The following CCDC74B variants were observed in gnomAD, a reference collection of about 807,000 sequenced individuals.
CCDC74B encodes coiled-coil domain containing 74B.
CCDC74B carries 34 observed loss-of-function variants against 38.0 expected under a neutral mutation model. That is an observed-to-expected ratio of 0.89 (90% confidence interval 0.68 to 1.19). The LOEUF (loss-of-function observed/expected upper bound fraction) is 1.19, where lower values mean the gene tolerates loss of function less well. Ranked by LOEUF, CCDC74B falls within the 50% of genes most tolerant of loss-of-function variation. The probability of loss-of-function intolerance (pLI) is 0.00; values close to 1 mark genes in which losing one functional copy is unlikely to be tolerated. For missense variants in CCDC74B, 358 were observed against 406.0 expected, an observed-to-expected ratio of 0.88 and a Z score of 1.02; for synonymous variants, 132 against 170.4, an observed-to-expected ratio of 0.77 and a Z score of 1.76.
intron 3 of CCDC74B, chr2:130,141,852 C>T (rs536402804): frequency 2.9e-5 from 19 of 661,796 alleles, no homozygotes; most frequent in Admixed American, 1.6e-4. Flanking sequence ...CCTCCCTAGG[C>T]GGCCACCCGG....
In CCDC74B at chr2:130,143,380, G is replaced by T. The variant is rs185832961; in HGVS notation, c.251-67C>A. The T allele has an allele frequency of 2.7e-4, 426 of 1,602,870 alleles. 2 individuals are homozygous for T. The African/African-American group carries it at 4.8e-3, about 18-fold the overall frequency. On this transcript the variant is annotated intron_variant, in intron 1 of 7. Transcript: ENST00000409943. ...CAGCCATTCTGAGAGAAGAAGCCTG[G>T]CCTGTCCTCTCCTGGCTGCTGAGCC...
chr2:130,144,627 G>C, intron 1 of CCDC74B, 120 bp downstream of exon 1: 1 of 1,544,610 alleles, frequency 6.5e-7, no homozygotes, highest in South Asian at 1.2e-5. Flanking sequence ...TTACCGTCCT[G>C]TGTTCCCCCT....
Position 130,143,103 on chromosome 2 carries a change from A to G in CCDC74B, c.295+166T>C, listed in dbSNP as rs542228570. 505 of 1,492,478 alleles carry G rather than the reference A, an allele frequency of 3.4e-4. 2 individuals carry two copies. The highest frequency in any genetic ancestry group is 1.4e-3 in the South Asian group (101 of 73,486). The allele number at this position is 1,492,478 out of a possible 1,614,324, so 92.5% of individuals were successfully genotyped here. A position where few individuals can be genotyped will look rare whatever the true frequency, so the allele number is the denominator to read the frequency against. On this transcript the variant is annotated intron_variant, in intron 2 of 7. Transcript: ENST00000409943. The stretch of plus-strand genomic sequence containing the variant: ...GTGCTGTGCTTGGCTGCGTAACATC[A>G]TCCAGCCACGGCTAGAGGTAGCGGC...
chr2:130,143,108 G>A (rs1259780867), intron 2 of CCDC74B, 161 bp downstream of exon 2: 1 of 1,496,984 alleles, frequency 6.7e-7, no homozygotes, highest in Non-Finnish European at 8.9e-7. Context: ...ACATCATCCA[G>A]CCACGGCTAG....
At chr2:130,141,529 G>A (rs1187150111) in intron 3 of CCDC74B, 15 of 638,658 alleles carry the variant, frequency 2.3e-5, no homozygotes, top group African/African-American at 5.3e-5. Context: ...AATCAACATA[G>A]TGGAAGCTGG....
At position 130,140,006 on chromosome 2, in the gene CCDC74B, G is replaced by T. The variant is rs377326897; in HGVS notation, c.752+17C>A. 1.2e-6 allele frequency: 2 copies of T among 1,602,414 alleles called. No individual in the cohort carries two copies. The highest frequency in any genetic ancestry group is 1.7e-6 in the Non-Finnish European group (2 of 1,174,516). ...ATAGGCCCCCAGGGATGGGGCAGGGGTGCACCAGGCACTCACCTGGGAAAG... is the reference window on the plus strand; with the variant it reads ...ATAGGCCCCCAGGGATGGGGCAGGGTTGCACCAGGCACTCACCTGGGAAAG... On this transcript the variant is annotated intron_variant, in intron 6 of 7. Transcript: ENST00000409943.
At position 130,139,614 on chromosome 2, in the gene CCDC74B, C is replaced by A. The variant is rs781284784; in HGVS notation, c.886G>T (p.Glu296Ter). The change falls in exon 8 of 8, where the codon GAG becomes TAG. Residue 296 changes from glutamate to a stop codon, truncating the protein, a stop_gained. Transcript: ENST00000409943. LOFTEE classifies it high-confidence loss of function. ...ATTGCCTGCAGCCTCTTCTGCCTCT[C>A]GGCAAAGTTGTTCTTCGGGGTCTGC... ...LKQTPKNNFA[E>*]RQKRLQAMQK... The A allele has an allele frequency of 4.3e-6, 7 of 1,613,406 alleles. No individual in the cohort carries two copies. Among genetic ancestry groups the A allele is most frequent in the East Asian group, 4.5e-5 (2 of 44,876 alleles).
intron 4 of CCDC74B, chr2:130,140,908 C>T (rs898838020): frequency 5.5e-6 from 2 of 360,364 alleles, no homozygotes; most frequent in African/African-American, 3.1e-5. Context: ...ACTGGCCCCC[C>T]TCGTGGGCTC....
Position 130,139,694 on chromosome 2 carries a change from G to C in CCDC74B, c.810-4C>G, listed in dbSNP as rs1685461506. 2 of 1,612,702 alleles carry C rather than the reference G, an allele frequency of 1.2e-6. No homozygotes were observed. The highest frequency in any genetic ancestry group is 1.7e-6 in the Non-Finnish European group (2 of 1,179,938). On this transcript the variant is annotated splice_polypyrimidine_tract_variant and splice_region_variant and intron_variant, in intron 7 of 7. Coordinates refer to ENST00000409943, the MANE Select transcript of CCDC74B (RefSeq NM_001258307.2). Reference sequence around the variant, plus strand: ...CACAGGTGGGCTCAGAAGCAGGCTGGGGGCGGGTAGAGGGACTGTCACCGT... The same window carrying C: ...CACAGGTGGGCTCAGAAGCAGGCTGCGGGCGGGTAGAGGGACTGTCACCGT...
chr2:130,139,843 G>C, intron 7 of CCDC74B, 48 bp downstream of exon 7: 1 of 1,609,804 alleles, frequency 6.2e-7, no homozygotes, highest in South Asian at 1.1e-5. Flanking sequence ...CCTCCCTGGG[G>C]CCCAGGCTGC....
chr2:130,142,689 G>C (rs1239341184), intron 2 of CCDC74B: 2 of 1,544,952 alleles, frequency 1.3e-6, no homozygotes, highest in African/African-American at 1.4e-5. Context: ...AAGATAACGG[G>C]AAGTGAGCTC....
At chr2:130,143,481 G>C (rs564424544) in intron 1 of CCDC74B, among the ~76,000 whole-genome samples, 168 bp from the exon 2 acceptor site, 1 of 152,316 alleles carries the variant, frequency 6.6e-6, no homozygotes, top group South Asian at 2.1e-4. Context: ...TTTGTCGTGG[G>C]TGTCAGGCCA....
intron 1 of CCDC74B, chr2:130,144,471 G>A (rs1161216286): frequency 6.9e-7 from 1 of 1,445,004 alleles, no homozygotes; most frequent in South Asian, 1.2e-5. Flanking sequence ...AGGTGTGTCT[G>A]ACCCTGCTTG....
Position 130,140,208 on chromosome 2 carries a change from A to G in CCDC74B, c.649T>C (p.Trp217Arg), listed in dbSNP as rs1224653951. The change falls in exon 5 of 8, where the codon TGG becomes CGG. Residue 217 changes from tryptophan (W) to arginine (R), a missense_variant. Trp to Arg is a moderately radical substitution (Grantham distance 101). This residue lies in a region of CCDC74B where 213 missense variants were observed against 212.3 expected (regional missense o/e 1.00). Coordinates refer to ENST00000409943, the MANE Select transcript of CCDC74B (RefSeq NM_001258307.2). ...RQCEVLIREL[W>R]NTNLLQTQEL... ...TGGGTCTGCAGGAGGTTGGTATTCC[A>G]CAGCTCGCGGATGAGCACTTCGCAC... The G allele has an allele frequency of 6.2e-7, 1 of 1,613,014 alleles. No homozygotes were observed. The highest frequency in any genetic ancestry group is 8.5e-7 in the Non-Finnish European group (1 of 1,179,584).
At position 130,140,326 on chromosome 2, in the gene CCDC74B, C is replaced by G. The variant is rs560342266; in HGVS notation, c.531G>C (p.Gly177=). The change falls in exon 5 of 8, where the codon GGG becomes GGC. Residue 177 remains glycine (G), a synonymous_variant. Transcript: ENST00000409943. ...TCTGCCTGCCCTGGTGCTGGCTGTTCCCCATACAGGCAGCTCCTGCGTTAG... is the reference window on the plus strand; with the variant it reads ...TCTGCCTGCCCTGGTGCTGGCTGTTGCCCATACAGGCAGCTCCTGCGTTAG... ...EASNAGAACM[G]NSQHQGRQMG... 8.1e-6 allele frequency: 13 copies of G among 1,609,938 alleles called. No homozygotes were observed. In the East Asian group the frequency reaches 2.0e-4, roughly 25 times the overall value.
chr2:130,141,594 G>T (rs1685633224), intron 3 of CCDC74B: 2 of 474,538 alleles, frequency 4.2e-6, no homozygotes, highest in African/African-American at 3.9e-5. Flanking sequence ...AGCCTGCATG[G>T]GTTTCCTCGG....
rs148622262 is a variant in CCDC74B at position 130,143,272 on chromosome 2, T to C, written c.292A>G (p.Lys98Glu). 1.4e-5 allele frequency: 23 copies of C among 1,613,742 alleles called. No individual in the cohort carries two copies. Among genetic ancestry groups the C allele is most frequent in the Non-Finnish European group, 1.7e-5 (20 of 1,179,780 alleles). ...KLIMNQTSQK[K>E]DSLSTSSFQS... ...AACTGAAGGGCCCAGTTCTCACCTTTCTTCTGTGATGTCTGATTCATTATG... is the reference window on the plus strand; with the variant it reads ...AACTGAAGGGCCCAGTTCTCACCTTCCTTCTGTGATGTCTGATTCATTATG... Residue 98 changes from lysine (K) to glutamate (E), a missense_variant, in exon 2 of 8, where the codon AAA becomes GAA. By Grantham distance (56) the Lys-to-Glu change is moderately conservative. This residue lies in a region of CCDC74B where 128 missense variants were observed against 146.7 expected (regional missense o/e 0.87). Coordinates refer to ENST00000409943, the MANE Select transcript of CCDC74B (RefSeq NM_001258307.2).
At chr2:130,139,827 C>G (rs1685477501) in intron 7 of CCDC74B, 64 bp downstream of exon 7, 2 of 1,610,598 alleles carry the variant, frequency 1.2e-6, no homozygotes, top group Non-Finnish European at 8.5e-7. Flanking sequence ...GCTCCCTTCC[C>G]CACTCCCTCC....
In CCDC74B at chr2:130,143,538, A is replaced by G. The variant is rs568461317; in HGVS notation, c.251-225T>C. On this transcript the variant is annotated intron_variant, in intron 1 of 7. Transcript: ENST00000409943. ...CTAGGCAGAGCCCACCTGGCATATC[A>G]GCCTCATCCATCTGAGATGACTGGA... Among the ~76,000 whole-genome samples the G allele has an allele frequency of 1.4e-3, 215 of 152,294 alleles. 1 individual carries two copies. Among genetic ancestry groups the G allele is most frequent in the Admixed American group, 6.9e-3 (105 of 15,300 alleles).
Sources: gnomAD v4.1 joint callset for allele counts (sites outside exome capture counted in the v4.1 genomes callset) on GRCh38, gnomAD v4.1.1 for gene constraint, gnomAD v4.1.1 regional missense constraint, MANE v1.5 for transcripts, NCBI Gene and HGNC (gene_info 2026-07-23, HGNC 2026-07-21) for gene names.